SIRPG: variants seen among roughly 807,000 people sequenced by gnomAD.
SIRPG encodes the protein signal-regulatory protein gamma.
SIRPG carries 38 observed loss-of-function variants against 35.7 expected under a neutral mutation model. The observed-to-expected ratio is 1.06, with a 90% CI of 0.82 to 1.40. The LOEUF is 1.40. SIRPG is among the 40% of genes most tolerant of loss of function. The pLI is 0.00. For missense variants in SIRPG, 519 were observed against 483.0 expected, an observed-to-expected ratio of 1.07 and a Z score of -0.70; for synonymous variants, 215 against 190.4, an observed-to-expected ratio of 1.13 and a Z score of -1.06.
At chr20:1,653,406 A>AAT (rs565920717) in intron 1 of SIRPG, among the ~76,000 whole-genome samples, 340 of 152,332 alleles carry the variant, frequency 2.2e-3, no homozygotes, top group African/African-American at 7.3e-3. Flanking sequence ...AACGTTCAAA[A>AAT]ATTGTAAAGT....
the SIRPG span, among the ~76,000 whole-genome samples, chr20:1,686,262 G>A: frequency 2.6e-5 from 4 of 151,960 alleles, no homozygotes; most frequent in African/African-American, 9.7e-5. Context: ...TGGAATCCCT[G>A]AAAGCCCAGG....
the SIRPG span, among the ~76,000 whole-genome samples, chr20:1,672,068 GA>G: frequency 6.6e-6 from 1 of 152,206 alleles, no homozygotes; most frequent in Admixed American, 6.5e-5. Flanking sequence ...GAACAATGGT[GA>G]AGTGGTGCCA....
chr20:1,631,232 C>T (rs1483814474), intron 4 of SIRPG, among the ~76,000 whole-genome samples: 2 of 152,142 alleles, frequency 1.3e-5, no homozygotes, highest in Non-Finnish European at 2.9e-5. Flanking sequence ...AACTCAGCAT[C>T]TGTGGCTGCT....
chr20:1,653,918 G>C lies in SIRPG; in HGVS notation c.73+3724C>G, dbSNP rs7270622. ...ATTCATAAATCTCCAAATGTGATATGCTACATCAAGGCAATCTTGAGCAAA... is the reference window on the plus strand; with the variant it reads ...ATTCATAAATCTCCAAATGTGATATCCTACATCAAGGCAATCTTGAGCAAA... On this transcript the variant is annotated intron_variant, in intron 1 of 5. Transcript: ENST00000303415. 7.3e-3 allele frequency among the ~76,000 whole-genome samples: 1,105 copies of C among 152,292 alleles called. 14 individuals carry two copies. Among genetic ancestry groups the C allele is most frequent in the African/African-American group, 0.026 (1,073 of 41,560 alleles).
upstream of SIRPG, among the ~76,000 whole-genome samples, chr20:1,662,289 T>G (rs2091998107): frequency 6.6e-6 from 1 of 152,186 alleles, no homozygotes; most frequent in Admixed American, 6.5e-5. Flanking sequence ...TGGGCCAGTC[T>G]TAGACACAAA....
chr20:1,665,900 GAT>G, the SIRPG span, among the ~76,000 whole-genome samples: 1 of 151,546 alleles, frequency 6.6e-6, no homozygotes, highest in Admixed American at 6.6e-5. Context: ...GTCTTTTTTG[GAT>G]ATATATAAAA....
chr20:1,664,566 G>A, the SIRPG span, among the ~76,000 whole-genome samples: 3 of 152,132 alleles, frequency 2.0e-5, no homozygotes, highest in East Asian at 5.8e-4. Flanking sequence ...CCATTCCTTG[G>A]CCCCTGCTCA....
At chr20:1,681,720 C>A in the SIRPG span, among the ~76,000 whole-genome samples, 2 of 152,066 alleles carry the variant, frequency 1.3e-5, no homozygotes, top group Admixed American at 1.3e-4. Context: ...CCTGTGGTCC[C>A]AGCTATTCAG....
intron 2 of SIRPG, chr20:1,646,509 G>A (rs2091898577): frequency 6.6e-6 from 1 of 152,272 alleles, no homozygotes; most frequent in Non-Finnish European, 1.5e-5. Context: ...AACATGGGGG[G>A]AGAGTCCTAA....
chr20:1,668,191 T>C, the SIRPG span, among the ~76,000 whole-genome samples: 21,932 of 80,204 alleles, frequency 0.27, 2,070 homozygotes, highest in Non-Finnish European at 0.29. Context: ...TTCTTTCTTT[T>C]TCTTTTCTTT....
chr20:1,653,917 T>C (rs2091958497), intron 1 of SIRPG, among the ~76,000 whole-genome samples: 2 of 152,336 alleles, frequency 1.3e-5, no homozygotes, highest in South Asian at 4.1e-4. Flanking sequence ...AAATGTGATA[T>C]GCTACATCAA....
intron 2 of SIRPG, among the ~76,000 whole-genome samples, chr20:1,641,984 C>T (rs891014128): frequency 2.0e-5 from 3 of 152,150 alleles, no homozygotes; most frequent in Admixed American, 6.5e-5. Flanking sequence ...CGTTCTTTTG[C>T]ATTTGCTGAG....
chr20:1,630,236 C>A lies in SIRPG; in HGVS notation c.1152G>T (p.Lys384Asn), dbSNP rs117221203. Residue 384 changes from lysine (K) to asparagine (N), a missense_variant, in exon 5 of 6, where the codon AAG becomes AAT. Coordinates refer to ENST00000303415, the MANE Select transcript of SIRPG (RefSeq NM_018556.4). ...CTTGTACTTACAGTCAGGTCTTCTG[C>A]TTCCAGGGGACGTAGATGGGGCCCA... ...VLLGPIYVPW[K>N]QKT 5.1e-6 allele frequency: 8 copies of A among 1,569,146 alleles called. No individual in the cohort carries two copies.
At chr20:1,674,485 G>A in the SIRPG span, among the ~76,000 whole-genome samples, 1 of 152,236 alleles carries the variant, frequency 6.6e-6, no homozygotes, top group Non-Finnish European at 1.5e-5. Context: ...CGGACACTGA[G>A]ACTCACTGTG....
the SIRPG span, among the ~76,000 whole-genome samples, chr20:1,685,818 C>T: frequency 1.6e-4 from 25 of 152,192 alleles, no homozygotes; most frequent in Non-Finnish European, 3.2e-4. Flanking sequence ...CCAACTCAGG[C>T]ACTGTTTCAG....
rs2091917322 is a variant in SIRPG at position 1,648,955 on chromosome 20, T to C, written c.430+97A>G. The C allele has an allele frequency of 2.0e-5, 23 of 1,173,208 alleles. 1 individual carries two copies. In the South Asian group the frequency reaches 3.0e-4, roughly 15 times the overall value. The allele number at this position is 1,173,208 out of a possible 1,614,324, so 72.7% of individuals were successfully genotyped here. On this transcript the variant is annotated intron_variant, in intron 2 of 5. Transcript: ENST00000303415. ...GACAACAGGTCTTGAAAATGAGCAC[T>C]GAAAATCACACCTGATTGTTGCTCA...
chr20:1,643,198 AG>A (rs1291247223), intron 2 of SIRPG, among the ~76,000 whole-genome samples: 1 of 152,178 alleles, frequency 6.6e-6, no homozygotes, highest in African/African-American at 2.4e-5. Context: ...CATCTCTTTC[AG>A]GTACTCCAAT....
the SIRPG span, among the ~76,000 whole-genome samples, chr20:1,676,444 G>A: frequency 6.6e-6 from 1 of 152,160 alleles, no homozygotes; most frequent in Non-Finnish European, 1.5e-5. Context: ...GGACTATTCT[G>A]CAGCTGTCAA....
rs751192023 is a variant in SIRPG, at chr20:1,636,411, G to C, written c.525C>G (p.Pro175=). Residue 175 remains proline, a synonymous_variant, in exon 3 of 6, where the codon CCC becomes CCG. Transcript: ENST00000303415. ...SFTCESHGFS[P]RDITLKWFKN... ...TGAACCATTTCAGGGTGATGTCTCT[G>C]GGAGAGAAGCCATGGGACTCACAGG... 1 of 1,614,244 alleles carries C rather than the reference G, an allele frequency of 6.2e-7. No homozygotes were observed. Among genetic ancestry groups the C allele is most frequent in the Non-Finnish European group, 8.5e-7 (1 of 1,180,048 alleles).
Sources: allele counts gnomAD v4.1 joint callset (sites outside exome capture counted in the v4.1 genomes callset), GRCh38; gene constraint gnomAD v4.1.1; transcripts MANE v1.5; gene names NCBI Gene and HGNC (gene_info 2026-07-23, HGNC 2026-07-21).